COTL1: variants seen among roughly 807,000 people sequenced by gnomAD.
COTL1 encodes the protein coactosin-like protein.
A neutral mutation model predicts 16.5 loss-of-function variants in COTL1; 15 were observed. The ratio of observed to expected loss-of-function variants is 0.91; its 90% CI spans 0.61 to 1.40. The LOEUF (loss-of-function observed/expected upper bound fraction) is 1.40. Among genes scored for constraint, COTL1 ranks in the 40% most tolerant of loss-of-function variants. COTL1 has a pLI of 0.00. For synonymous variants in COTL1, 112 were observed against 85.3 expected (o/e 1.31, Z -1.73); for missense variants, 220 against 201.5 (o/e 1.09, Z -0.56).
chr16:84,573,752 A>T (rs4993434), intron 3 of COTL1, among the ~76,000 whole-genome samples: 100,182 of 148,272 alleles, frequency 0.68, 34,208 homozygotes, highest in East Asian at 0.96. Flanking sequence ...AAAAAAAAAA[A>T]ATATATATAT....
chr16:84,600,296 G>A (rs916073790), intron 2 of COTL1, among the ~76,000 whole-genome samples: 3 of 150,518 alleles, frequency 2.0e-5, no homozygotes, highest in African/African-American at 7.3e-5. Context: ...TTCCTTATAG[G>A]GCATGAATAA....
At chr16:84,605,646 G>A (rs143353609) in intron 2 of COTL1, among the ~76,000 whole-genome samples, 81 of 152,346 alleles carry the variant, frequency 5.3e-4, no homozygotes, top group African/African-American at 1.7e-3. Context: ...TTTGAAGACA[G>A]AGGAAGTGGC....
chr16:84,590,325 G>T lies in COTL1; in HGVS notation c.161-63C>A. The T allele has an allele frequency of 6.3e-7, 1 of 1,574,882 alleles. No individual in the cohort carries two copies. ...TAAAACACCCCCATGTCATGTCCCTGGGGAGAGGCTGTGAGCCACGAGTGC... is the reference window on the plus strand; with the variant it reads ...TAAAACACCCCCATGTCATGTCCCTTGGGAGAGGCTGTGAGCCACGAGTGC... On this transcript the variant is annotated intron_variant, in intron 2 of 3. Transcript: ENST00000262428. This position sits in a 1 kb window ranked among gnomAD's most constrained non-coding sequence, Gnocchi z 5.5.
intron 3 of COTL1, among the ~76,000 whole-genome samples, chr16:84,578,576 C>A (rs1464078526): frequency 6.6e-6 from 1 of 152,138 alleles, no homozygotes; most frequent in African/African-American, 2.4e-5. Flanking sequence ...GAGGAACAGA[C>A]ACACACAGGC....
chr16:84,587,234 A>C (rs1179548610), intron 3 of COTL1, among the ~76,000 whole-genome samples: 1 of 152,254 alleles, frequency 6.6e-6, no homozygotes, highest in Admixed American at 6.5e-5. Context: ...CAGCAGTGTC[A>C]ACCAGGAACG....
intron 2 of COTL1, among the ~76,000 whole-genome samples, chr16:84,599,568 A>T (rs1325872910): frequency 6.6e-6 from 1 of 152,158 alleles, no homozygotes; most frequent in Non-Finnish European, 1.5e-5. Context: ...CTTATACGTT[A>T]TCTGTGGGCC....
intron 3 of COTL1, among the ~76,000 whole-genome samples, chr16:84,570,390 CA>C (rs1253314542): frequency 1.3e-5 from 2 of 151,316 alleles, no homozygotes; most frequent in Non-Finnish European, 2.9e-5. Context: ...TATAATGAAA[CA>C]AAAACAAGCA....
intron 3 of COTL1, among the ~76,000 whole-genome samples, chr16:84,569,373 A>G (rs1302880879): frequency 1.3e-5 from 2 of 152,158 alleles, no homozygotes; most frequent in African/African-American, 4.8e-5. Flanking sequence ...GAATTCCACC[A>G]CAATTAAAAA....
In COTL1 at chr16:84,597,005, G is replaced by A. The variant is rs1210782948; in HGVS notation, c.161-6743C>T. On this transcript the variant is annotated intron_variant, in intron 2 of 3. Transcript: ENST00000262428. ...CCAGGGCCGCATCCCAGCCAGGGCC[G>A]CATCCTAGCAGGGGCCGCATCCCAG... Among the ~76,000 whole-genome samples, 8 of 152,038 alleles carry A rather than the reference G, an allele frequency of 5.3e-5. No individual in the cohort carries two copies. In the East Asian group the frequency reaches 5.8e-4, roughly 11 times the overall value.
chr16:84,601,603 C>T (rs564907698), intron 2 of COTL1, among the ~76,000 whole-genome samples: 53 of 152,240 alleles, frequency 3.5e-4, no homozygotes, highest in South Asian at 8.3e-4. Context: ...ATTACTGGCA[C>T]GCTCCACCAC....
intron 2 of COTL1, among the ~76,000 whole-genome samples, chr16:84,605,144 T>C (rs1905187037): frequency 6.6e-6 from 1 of 152,210 alleles, no homozygotes; most frequent in Admixed American, 6.5e-5. Context: ...CCCCATGGCC[T>C]GGGCCTGGGC....
intron 3 of COTL1, among the ~76,000 whole-genome samples, chr16:84,575,099 G>A (rs60964527): frequency 0.1 from 15,473 of 152,120 alleles, 897 homozygotes; most frequent in East Asian, 0.2. Context: ...GTGCAGTGGT[G>A]CAATCTCAGT....
chr16:84,608,215 T>A (rs1905251624), intron 2 of COTL1, among the ~76,000 whole-genome samples: 1 of 152,210 alleles, frequency 6.6e-6, no homozygotes. Context: ...GAGGTATTTA[T>A]AACACCTATA....
At chr16:84,573,076 G>T (rs903051498) in intron 3 of COTL1, among the ~76,000 whole-genome samples, 6 of 152,162 alleles carry the variant, frequency 3.9e-5, no homozygotes, top group African/African-American at 1.4e-4. Context: ...TTTGCTACTA[G>T]CCACATTGAA....
At chr16:84,593,439 G>A (rs1040874806) in intron 2 of COTL1, among the ~76,000 whole-genome samples, 1 of 152,120 alleles carries the variant, frequency 6.6e-6, no homozygotes, top group Non-Finnish European at 1.5e-5. Flanking sequence ...CATCAGCCTG[G>A]GCTGCCTCAC....
Position 84,604,663 on chromosome 16 carries a change from T to C in COTL1, c.160+12838A>G, listed in dbSNP as rs536443967. The stretch of plus-strand genomic sequence containing the variant: ...CCAGGTTTGGCCAAATCCAGAGAGC[T>C]GCAGGGTGGACACAGCCCTCTCTCT... On this transcript the variant is annotated intron_variant, in intron 2 of 3. Transcript: ENST00000262428. Among the ~76,000 whole-genome samples the C allele has an allele frequency of 1.2e-4, 19 of 152,154 alleles. No homozygotes were observed. In the South Asian group the frequency reaches 3.7e-3, roughly 30 times the overall value.
chr16:84,578,954 C>T (rs1316607198), intron 3 of COTL1, among the ~76,000 whole-genome samples: 1 of 151,806 alleles, frequency 6.6e-6, no homozygotes, highest in East Asian at 1.9e-4. Context: ...CAGGTGCACA[C>T]AGGTATGCAC....
At chr16:84,615,279 T>G (rs1489309509) in intron 2 of COTL1, among the ~76,000 whole-genome samples, 2 of 152,152 alleles carry the variant, frequency 1.3e-5, no homozygotes, top group Non-Finnish European at 2.9e-5. Context: ...AGGGAAGCAT[T>G]TTTAGCTTCC....
At chr16:84,594,228 A>C (rs1343703119) in intron 2 of COTL1, among the ~76,000 whole-genome samples, 1 of 149,346 alleles carries the variant, frequency 6.7e-6, no homozygotes, top group Non-Finnish European at 1.5e-5. Context: ...CGCCTCCCTT[A>C]TCAGTTGACC....
Sources: gnomAD v4.1 joint callset for allele counts (sites outside exome capture counted in the v4.1 genomes callset) on GRCh38, gnomAD v4.1.1 for gene constraint, Gnocchi (gnomAD v3.1) non-coding constraint, MANE v1.5 for transcripts, NCBI Gene and HGNC (gene_info 2026-07-23, HGNC 2026-07-21) for gene names.